NEGR1: variants seen among roughly 807,000 people sequenced by gnomAD.
NEGR1 encodes IgLON family member 4.
Under a neutral mutation model 40.9 loss-of-function variants are expected in NEGR1, and 10 were observed. That is an observed-to-expected ratio of 0.24 (90% CI 0.15 to 0.42). NEGR1 has a LOEUF of 0.42. Among genes scored for constraint, NEGR1 ranks in the 10% least tolerant of loss-of-function variants. The pLI is 1.00. For missense variants in NEGR1, 352 were observed against 438.9 expected, an observed-to-expected ratio of 0.80 and a Z score of 1.77; for synonymous variants, 185 against 166.8, an observed-to-expected ratio of 1.11 and a Z score of -0.84.
intron 2 of NEGR1, among the ~76,000 whole-genome samples, chr1:71,909,429 T>C (rs1479608939): frequency 1.3e-5 from 2 of 152,246 alleles, no homozygotes; most frequent in African/African-American, 4.8e-5. Flanking sequence ...CCGGTGTTCG[T>C]TGAATGTGAT....
In NEGR1 at chr1:72,092,338, G is replaced by A. The variant is rs867926358; in HGVS notation, c.177-157027C>T. 9.9e-5 allele frequency among the ~76,000 whole-genome samples: 15 copies of A among 152,032 alleles called. No homozygotes were observed. The South Asian group carries it at 1.5e-3, about 15-fold the overall frequency. On this transcript the variant is annotated intron_variant, in intron 1 of 6. Coordinates refer to ENST00000357731, the MANE Select transcript of NEGR1 (RefSeq NM_173808.3). ...TCAATGTTCTCTCTCTACCAAACAT[G>A]AAAAAATGCTTCTGAGTTGATGTGT...
chr1:72,241,997 C>T (rs1570165340), intron 1 of NEGR1, among the ~76,000 whole-genome samples: 1 of 151,504 alleles, frequency 6.6e-6, no homozygotes. Context: ...CCTGTATCTG[C>T]TTTCCTTTCC....
At chr1:71,732,997 T>G (rs1654937679) in intron 3 of NEGR1, among the ~76,000 whole-genome samples, 1 of 151,896 alleles carries the variant, frequency 6.6e-6, no homozygotes, top group Non-Finnish European at 1.5e-5. Context: ...GCCTTTAATA[T>G]GTTAATGTGC....
Position 71,406,905 on chromosome 1 carries a change from G to A in NEGR1, c.*541C>T, listed in dbSNP as rs1646281248. ...CAGTTATATTACAAGGCTCATTCCT[G>A]AAACCTGAATATCATGCGAGCAGAA... On this transcript the variant is annotated 3_prime_UTR_variant, in exon 7 of 7. Coordinates refer to ENST00000357731, the MANE Select transcript of NEGR1 (RefSeq NM_173808.3). The A allele has an allele frequency of 6.6e-6, 1 of 152,378 alleles. No individual in the cohort carries two copies. The highest frequency in any genetic ancestry group is 1.5e-5 in the Non-Finnish European group (1 of 67,936). 9.4% of individuals were successfully genotyped at this position (152,378 alleles called of 1,614,324 possible).
At chr1:71,938,826 G>T (rs911071261) in intron 1 of NEGR1, among the ~76,000 whole-genome samples, 28 of 152,228 alleles carry the variant, frequency 1.8e-4, no homozygotes, top group Admixed American at 5.9e-4. Context: ...TAATTAAATT[G>T]TCATTATAAT....
chr1:71,902,236 C>G (rs983549379), intron 2 of NEGR1, among the ~76,000 whole-genome samples: 1 of 152,072 alleles, frequency 6.6e-6, no homozygotes, highest in Non-Finnish European at 1.5e-5. Flanking sequence ...TCTGTTTATT[C>G]ACTAGATGAT....
chr1:71,827,376 G>A (rs1658667302), intron 2 of NEGR1, among the ~76,000 whole-genome samples: 1 of 151,664 alleles, frequency 6.6e-6, no homozygotes, highest in Non-Finnish European at 1.5e-5. Flanking sequence ...GTAAATTAAA[G>A]GGTCTACGAC....
chr1:72,264,254 C>A (rs1190892757), intron 1 of NEGR1, among the ~76,000 whole-genome samples: 6 of 151,156 alleles, frequency 4.0e-5, no homozygotes, highest in African/African-American at 1.5e-4. Context: ...GGTCTTTCAC[C>A]ATCTAAGCCT....
At chr1:71,431,560 G>A (rs201604635) in intron 6 of NEGR1, among the ~76,000 whole-genome samples, 13 of 49,282 alleles carry the variant, frequency 2.6e-4, no homozygotes, top group African/African-American at 5.8e-4. Context: ...CCATCCATCT[G>A]TTTATCCATT....
At chr1:71,574,344 A>G (rs1187167701) in intron 6 of NEGR1, among the ~76,000 whole-genome samples, 1 of 152,170 alleles carries the variant, frequency 6.6e-6, no homozygotes, top group Non-Finnish European at 1.5e-5. Flanking sequence ...TACCAGCATC[A>G]GTGAGATTGT....
In NEGR1 at chr1:71,498,443, T is replaced by C. The variant is rs377104150; in HGVS notation, c.941-90873A>G. Among the ~76,000 whole-genome samples the C allele has an allele frequency of 1.6e-4, 24 of 152,078 alleles. 2 individuals carry two copies. Among genetic ancestry groups the C allele is most frequent in the Admixed American group, 9.8e-4 (15 of 15,246 alleles). The stretch of plus-strand genomic sequence containing the variant: ...CTTCTGGATATAAAGAAAAGGGATG[T>C]ACATATTATGCTTCAAGAGGTGTAG... On this transcript the variant is annotated intron_variant, in intron 6 of 6. Coordinates refer to ENST00000357731, the MANE Select transcript of NEGR1 (RefSeq NM_173808.3).
intron 2 of NEGR1, among the ~76,000 whole-genome samples, chr1:71,788,044 C>T (rs1171784646): frequency 6.6e-6 from 1 of 152,130 alleles, no homozygotes; most frequent in Non-Finnish European, 1.5e-5. Context: ...GGGTTTCATC[C>T]AGAAACTTAA....
chr1:71,569,131 T>C (rs1648731077), intron 6 of NEGR1, among the ~76,000 whole-genome samples: 2 of 152,226 alleles, frequency 1.3e-5, no homozygotes, highest in Non-Finnish European at 1.5e-5. Flanking sequence ...TTAGCCAAGA[T>C]GGTCTTGATC....
intron 3 of NEGR1, among the ~76,000 whole-genome samples, chr1:71,710,685 A>C (rs1451564100): frequency 6.6e-6 from 1 of 152,096 alleles, no homozygotes; most frequent in Admixed American, 6.5e-5. Context: ...TAATAATAAT[A>C]AAAACACCAG....
intron 6 of NEGR1, among the ~76,000 whole-genome samples, chr1:71,478,277 C>T (rs1646834513): frequency 6.6e-6 from 1 of 151,926 alleles, no homozygotes; most frequent in Non-Finnish European, 1.5e-5. Context: ...CCTTCAAAAT[C>T]CCCAATAGCA....
chr1:71,748,403 T>C (rs1332244973), intron 3 of NEGR1, among the ~76,000 whole-genome samples: 2 of 152,184 alleles, frequency 1.3e-5, no homozygotes, highest in East Asian at 1.9e-4. Flanking sequence ...TGAGTATATA[T>C]ATGTATACAT....
intron 3 of NEGR1, among the ~76,000 whole-genome samples, chr1:71,722,363 T>A (rs2101654636): frequency 6.6e-6 from 1 of 152,258 alleles, no homozygotes; most frequent in Non-Finnish European, 1.5e-5. Flanking sequence ...ATTAATTTAA[T>A]TTATCCACGT....
chr1:71,471,664 A>AC (rs1022751257), intron 6 of NEGR1, among the ~76,000 whole-genome samples: 13 of 10,764 alleles, frequency 1.2e-3, no homozygotes, highest in Admixed American at 7.1e-3. Flanking sequence ...AACAACAACA[A>AC]AAAAAAAGAC....
chr1:72,162,012 C>T (rs551270385), intron 1 of NEGR1, among the ~76,000 whole-genome samples: 2 of 152,018 alleles, frequency 1.3e-5, no homozygotes, highest in South Asian at 4.2e-4. Context: ...CTAAATTTTT[C>T]ATTCAACCAA....
Sources: allele counts gnomAD v4.1 joint callset (sites outside exome capture counted in the v4.1 genomes callset), GRCh38; gene constraint gnomAD v4.1.1; transcripts MANE v1.5; gene names NCBI Gene and HGNC (gene_info 2026-07-23, HGNC 2026-07-21).